Variants in TTLL4 observed in about 807,000 individuals in gnomAD.
TTLL4 encodes tubulin tyrosine ligase like 4.
TTLL4 carries 85 observed loss-of-function variants against 122.7 expected under a neutral mutation model. That is an observed-to-expected ratio of 0.69 (90% CI 0.58 to 0.83). The LOEUF (loss-of-function observed/expected upper bound fraction) is 0.83. TTLL4 is among the 40% of genes least tolerant of loss of function. TTLL4 has a pLI of 0.00. For missense variants in TTLL4, 1,363 were observed against 1,488.6 expected, an observed-to-expected ratio of 0.92 and a Z score of 1.39; for synonymous variants, 553 against 563.0, an observed-to-expected ratio of 0.98 and a Z score of 0.25.
rs755603708 is a variant in TTLL4, at chr2:218,747,640, C to T, written c.2293C>T (p.Leu765=). 7 of 1,614,188 alleles carry T rather than the reference C, an allele frequency of 4.3e-6. No individual in the cohort carries two copies. Among genetic ancestry groups the T allele is most frequent in the Non-Finnish European group, 5.9e-6 (7 of 1,180,040 alleles). ...CCTCATCAGCGGCAGCAAGTTTGAC[C>T]TGCGGATCTATGTTTATGTCACTTC... The part of the protein sequence containing the change: ...PYLISGSKFD[L]RIYVYVTSYD... The change falls in exon 11 of 20, where the codon CTG becomes TTG. Residue 765 remains leucine (L), a synonymous_variant. Coordinates refer to ENST00000392102, the MANE Select transcript of TTLL4 (RefSeq NM_014640.5). This position sits in a 1 kb window ranked among gnomAD's most constrained non-coding sequence, Gnocchi z 4.7.
At position 218,749,397 on chromosome 2, in the gene TTLL4, A is replaced by G. The variant is rs1169721288; in HGVS notation, c.2735+10A>G. On this transcript the variant is annotated intron_variant, in intron 14 of 19. Coordinates refer to ENST00000392102, the MANE Select transcript of TTLL4 (RefSeq NM_014640.5). ...TCAACATTTCCCCAAGGTAGGTGGT[A>G]TTCTCAGGACACTCACCATAGAATC... is the stretch of plus-strand genomic sequence containing the variant. The G allele has an allele frequency of 5.0e-6, 8 of 1,613,746 alleles. No individual in the cohort carries two copies. The highest frequency in any genetic ancestry group is 1.7e-5 in the Admixed American group (1 of 59,984).
rs748610380 is a variant in TTLL4 at position 218,739,055 on chromosome 2, T to G, written c.1379T>G (p.Leu460Arg). Reference sequence around the variant, plus strand: ...CCAGGTCCCCCTTTTCCTCAAACTCTTGGCATAGCCAACGTGGCCACCCGC... The same window carrying G: ...CCAGGTCCCCCTTTTCCTCAAACTCGTGGCATAGCCAACGTGGCCACCCGC... The part of the protein sequence containing the change: ...KAPGPPFPQT[L>R]GIANVATRLS... Residue 460 changes from leucine (L) to arginine (R), a missense_variant, in exon 3 of 20, where the codon CTT becomes CGT. By Grantham distance (102) the Leu-to-Arg change is moderately radical. This residue lies in a region of TTLL4 where 760 missense variants were observed against 808.4 expected (regional missense o/e 0.94). Transcript: ENST00000392102. 7 of 1,614,140 alleles carry G rather than the reference T, an allele frequency of 4.3e-6. No individual in the cohort carries two copies. The South Asian group carries it at 5.5e-5, about 13-fold the overall frequency.
intron 1 of TTLL4, among the ~76,000 whole-genome samples, chr2:218,723,674 A>G (rs1387823416): frequency 1.3e-5 from 2 of 152,242 alleles, no homozygotes; most frequent in Non-Finnish European, 2.9e-5. Flanking sequence ...ACAAATTGAC[A>G]TGGGCCTCAT....
chr2:218,758,859 T>C (rs981108383), downstream of TTLL4, among the ~76,000 whole-genome samples: 3 of 152,214 alleles, frequency 2.0e-5, no homozygotes, highest in African/African-American at 7.2e-5. Flanking sequence ...TTATTCATAG[T>C]AGCAAAAATT....
At chr2:218,719,691 C>G (rs920510831) in intron 1 of TTLL4, among the ~76,000 whole-genome samples, 2 of 152,194 alleles carry the variant, frequency 1.3e-5, no homozygotes, top group Admixed American at 1.3e-4. Context: ...CCCTACTCCA[C>G]ACCAACTGAA....
At chr2:218,735,292 T>C (rs1345045234) in intron 2 of TTLL4, among the ~76,000 whole-genome samples, 1 of 152,100 alleles carries the variant, frequency 6.6e-6, no homozygotes. Flanking sequence ...CTGGGTTCAG[T>C]GGCTCAGGCT....
chr2:218,733,521 T>C (rs1014909234), intron 2 of TTLL4, among the ~76,000 whole-genome samples: 2 of 152,096 alleles, frequency 1.3e-5, no homozygotes, highest in African/African-American at 4.8e-5. Context: ...ACATTGGGGA[T>C]TACAACTCAA....
intron 1 of TTLL4, among the ~76,000 whole-genome samples, chr2:218,725,382 G>C (rs1379650265): frequency 6.6e-6 from 1 of 151,350 alleles, no homozygotes; most frequent in Non-Finnish European, 1.5e-5. Context: ...ATCATGCCTA[G>C]CTAATTTTTT....
At chr2:218,742,416 A>C (rs1231304820) in intron 5 of TTLL4, among the ~76,000 whole-genome samples, 1 of 152,224 alleles carries the variant, frequency 6.6e-6, no homozygotes, top group East Asian at 1.9e-4. Context: ...CAGAAAAATC[A>C]TTGGAAACAC....
chr2:218,732,558 C>G (rs1304874372), intron 2 of TTLL4, among the ~76,000 whole-genome samples: 6 of 152,116 alleles, frequency 3.9e-5, no homozygotes, highest in South Asian at 2.1e-4. Flanking sequence ...TCGGTAGGGT[C>G]TGGGTGCCAG....
chr2:218,740,699 C>T (rs1942675726), intron 5 of TTLL4, 115 bp downstream of exon 5: 2 of 1,256,242 alleles, frequency 1.6e-6, no homozygotes, highest in Non-Finnish European at 1.1e-6. Flanking sequence ...GCATTTTTAC[C>T]AAATTTTTAT....
intron 1 of TTLL4, among the ~76,000 whole-genome samples, chr2:218,717,151 C>T (rs1253118869): frequency 2.0e-5 from 3 of 151,908 alleles, no homozygotes; most frequent in Admixed American, 6.6e-5. Flanking sequence ...TTTGTAGAGA[C>T]AAGGTTTCAC....
At position 218,738,583 on chromosome 2, in the gene TTLL4, TCCTGGTATAA is replaced by T. The variant is rs763661292; in HGVS notation, c.910_919del (p.Trp304GlyfsTer4). On this transcript the variant is annotated frameshift_variant, in exon 3 of 20. Coordinates refer to ENST00000392102, the MANE Select transcript of TTLL4 (RefSeq NM_014640.5). LOFTEE classifies it high-confidence loss of function. Reference sequence around the variant, plus strand: ...CACATCCACCACCAGTGTTGCCTCTTCCTGGTATAACCGGAATAACTTAGCCATGAGGGCA... The same window carrying T: ...CACATCCACCACCAGTGTTGCCTCTTCCGGAATAACTTAGCCATGAGGGCA... The T allele has an allele frequency of 3.1e-6, 5 of 1,614,212 alleles. No homozygotes were observed. In the Admixed American group the frequency reaches 8.3e-5, roughly 27 times the overall value.
chr2:218,743,964 C>CCA (rs1942774514), intron 5 of TTLL4, among the ~76,000 whole-genome samples: 1 of 152,240 alleles, frequency 6.6e-6, no homozygotes, highest in South Asian at 2.1e-4. Context: ...CAGGCATGAG[C>CCA]CACTGCACCC....
downstream of TTLL4, among the ~76,000 whole-genome samples, chr2:218,759,459 C>T (rs1943202283): frequency 6.6e-6 from 1 of 152,174 alleles, no homozygotes; most frequent in South Asian, 2.1e-4. Flanking sequence ...TAAGCGAGAA[C>T]AAGCCAGAAA....
At chr2:218,717,048 C>G (rs781178598) in intron 1 of TTLL4, among the ~76,000 whole-genome samples, 7 of 151,864 alleles carry the variant, frequency 4.6e-5, no homozygotes, top group Non-Finnish European at 4.4e-5. Context: ...GTGGCATGAT[C>G]ATGGCTTACT....
Position 218,740,130 on chromosome 2 carries a change from A to G in TTLL4, c.1560A>G (p.Glu520=), listed in dbSNP as rs756322822. 6.2e-7 allele frequency: 1 copy of G among 1,614,202 alleles called. No homozygotes were observed. The highest frequency in any genetic ancestry group is 8.5e-7 in the Non-Finnish European group (1 of 1,180,036). ...DTEEELVDGL[E]DCCSRDENEE... ...AAGAAGAACTAGTAGATGGTTTGGAAGACTGTTGTAGCCGTGATGAGAATG... is the reference window on the plus strand; with the variant it reads ...AAGAAGAACTAGTAGATGGTTTGGAGGACTGTTGTAGCCGTGATGAGAATG... Residue 520 remains glutamate (E), a synonymous_variant, in exon 4 of 20, where the codon GAA becomes GAG. Transcript: ENST00000392102.
At chr2:218,721,283 G>T (rs940410742) in intron 1 of TTLL4, among the ~76,000 whole-genome samples, 2 of 152,022 alleles carry the variant, frequency 1.3e-5, no homozygotes, top group African/African-American at 4.8e-5. Flanking sequence ...CTGCCATGTG[G>T]CCCAGGCTAA....
chr2:218,738,217 C>T lies in TTLL4; in HGVS notation c.541C>T (p.Pro181Ser). The change falls in exon 3 of 20, where the codon CCA (proline) becomes TCA (serine). Residue 181 changes from proline (P) to serine (S), a missense_variant. Physicochemically the swap from Pro to Ser is moderately conservative, Grantham distance 74. This residue lies in a region of TTLL4 where 760 missense variants were observed against 808.4 expected (regional missense o/e 0.94). Transcript: ENST00000392102. ...GCCCATGGCCTCCTCATCCACAGAA[C>T]CATACCTCTGCTTGGCAGCGGCTGG... ...AQPMASSSTEPYLCLAAAGEN... is the reference protein window; with the variant it reads ...AQPMASSSTESYLCLAAAGEN... 6.2e-7 allele frequency: 1 copy of T among 1,614,130 alleles called. No individual in the cohort carries two copies. The highest frequency in any genetic ancestry group is 1.6e-4 in the Middle Eastern group (1 of 6,062).
Sources: gnomAD v4.1 joint callset for allele counts (sites outside exome capture counted in the v4.1 genomes callset) on GRCh38, gnomAD v4.1.1 for gene constraint, gnomAD v4.1.1 regional missense constraint, Gnocchi (gnomAD v3.1) non-coding constraint, MANE v1.5 for transcripts, NCBI Gene and HGNC (gene_info 2026-07-23, HGNC 2026-07-21) for gene names.